PPP2R2B: variants seen among roughly 807,000 people sequenced by gnomAD.
PPP2R2B encodes the protein serine/threonine-protein phosphatase 2A 55 kDa regulatory subunit B beta isoform.
PPP2R2B carries 5 observed loss-of-function variants against 46.0 expected under a neutral mutation model. That is an observed-to-expected ratio of 0.11 (90% CI 0.06 to 0.23). The LOEUF (loss-of-function observed/expected upper bound fraction) is 0.23. PPP2R2B is among the 10% of genes least tolerant of loss of function. The pLI, the probability that PPP2R2B is intolerant of heterozygous loss-of-function variation, is 1.00. For synonymous variants in PPP2R2B, 215 were observed against 206.7 expected, an observed-to-expected ratio of 1.04 and a Z score of -0.34; for missense variants, 367 against 575.0, an observed-to-expected ratio of 0.64 and a Z score of 3.70.
chr5:147,045,404 C>A (rs1316271631), intron 1 of PPP2R2B, among the ~76,000 whole-genome samples: 1 of 152,100 alleles, frequency 6.6e-6, no homozygotes, highest in African/African-American at 2.4e-5. Flanking sequence ...ACATGCTGTA[C>A]AGGTTTGTAG....
intron 2 of PPP2R2B, among the ~76,000 whole-genome samples, chr5:146,748,096 C>G (rs1304376818): frequency 1.3e-5 from 2 of 152,174 alleles, no homozygotes; most frequent in African/African-American, 4.8e-5. Context: ...ACTGCATGAC[C>G]TCATTTAATC....
chr5:147,051,684 T>A (rs568290571), intron 1 of PPP2R2B, among the ~76,000 whole-genome samples: 1 of 151,558 alleles, frequency 6.6e-6, no homozygotes, highest in South Asian at 2.1e-4. Context: ...GGTGCCAAAT[T>A]AGGTCCACCA....
chr5:146,899,941 A>G (rs1762770530), intron 1 of PPP2R2B, among the ~76,000 whole-genome samples: 1 of 152,172 alleles, frequency 6.6e-6, no homozygotes, highest in Non-Finnish European at 1.5e-5. Context: ...CACAGGCCAT[A>G]TCTATGTTAG....
chr5:147,054,698 T>C (rs1198470517), intron 1 of PPP2R2B: 1 of 456,216 alleles, frequency 2.2e-6, no homozygotes, highest in East Asian at 6.9e-5. Flanking sequence ...CAGAACAGGC[T>C]GGTCGCCAGC....
chr5:146,630,989 C>G (rs972401800), intron 7 of PPP2R2B, among the ~76,000 whole-genome samples: 2 of 152,198 alleles, frequency 1.3e-5, no homozygotes, highest in African/African-American at 4.8e-5. Context: ...AGTGGCTGCT[C>G]AACTATGTTG....
intron 2 of PPP2R2B, among the ~76,000 whole-genome samples, chr5:146,794,850 C>T (rs1052264435): frequency 6.6e-6 from 1 of 152,088 alleles, no homozygotes; most frequent in Non-Finnish European, 1.5e-5. Context: ...TTTTCCAGAA[C>T]CACTGACTCA....
At chr5:146,626,934 C>T (rs1313709298) in intron 7 of PPP2R2B, among the ~76,000 whole-genome samples, 1 of 152,170 alleles carries the variant, frequency 6.6e-6, no homozygotes, top group Admixed American at 6.5e-5. Flanking sequence ...ATTGACAGAA[C>T]TGGTTAAATT....
rs1361855454 is a variant in PPP2R2B, at chr5:146,582,750, CT to C, written c.*7196del. On this transcript the variant is annotated 3_prime_UTR_variant, in exon 10 of 10. Transcript: ENST00000394411. Reference sequence around the variant, plus strand: ...TGTGCTCTGGGGATACAGGAGTGGCCTAAACAATGATGCAGTCCTCATGGAA... The same window carrying C: ...TGTGCTCTGGGGATACAGGAGTGGCCAAACAATGATGCAGTCCTCATGGAA... 6.6e-6 allele frequency: 1 copy of C among 152,156 alleles called. No individual in the cohort carries two copies. The highest frequency in any genetic ancestry group is 1.5e-5 in the Non-Finnish European group (1 of 68,040). The allele number at this position is 152,156 out of a possible 1,614,324, so 9.4% of individuals were successfully genotyped here.
At chr5:146,901,492 C>A (rs188827566) in intron 1 of PPP2R2B, among the ~76,000 whole-genome samples, 151 of 152,116 alleles carry the variant, frequency 9.9e-4, no homozygotes, top group Non-Finnish European at 1.8e-3. Flanking sequence ...CAGAGTGAGA[C>A]CCTGCCTCAA....
chr5:146,735,845 G>T (rs566960421), intron 2 of PPP2R2B, among the ~76,000 whole-genome samples: 1 of 152,276 alleles, frequency 6.6e-6, no homozygotes, highest in African/African-American at 2.4e-5. Flanking sequence ...TCTATTGCTT[G>T]ATTTGATGAT....
At chr5:146,837,437 T>G (rs1321934533) in intron 2 of PPP2R2B, among the ~76,000 whole-genome samples, 3 of 152,190 alleles carry the variant, frequency 2.0e-5, no homozygotes, top group Non-Finnish European at 4.4e-5. Flanking sequence ...GAAGAGCATC[T>G]GTATAGTATG....
intron 2 of PPP2R2B, among the ~76,000 whole-genome samples, chr5:146,771,508 T>C (rs1344439839): frequency 1.3e-5 from 2 of 152,088 alleles, no homozygotes; most frequent in Non-Finnish European, 2.9e-5. Flanking sequence ...TTGAGAAGGG[T>C]ACATGTGATT....
chr5:146,692,566 C>T (rs1386945037), intron 4 of PPP2R2B, among the ~76,000 whole-genome samples: 1 of 140,594 alleles, frequency 7.1e-6, no homozygotes, highest in East Asian at 2.1e-4. Flanking sequence ...CAGAGTCTCG[C>T]ATTTTCACCC....
intron 7 of PPP2R2B, 38 bp downstream of exon 7, chr5:146,638,213 G>A (rs900367621): frequency 6.3e-7 from 1 of 1,593,684 alleles, no homozygotes; most frequent in East Asian, 2.3e-5. Context: ...ATTGGGGCCA[G>A]TGGCCATGCC....
At chr5:146,931,243 G>A (rs1763960732) in intron 1 of PPP2R2B, among the ~76,000 whole-genome samples, 3 of 152,064 alleles carry the variant, frequency 2.0e-5, no homozygotes, top group Admixed American at 2.0e-4. Flanking sequence ...GGTTTAAGAT[G>A]TTTCCCATCT....
intron 2 of PPP2R2B, among the ~76,000 whole-genome samples, chr5:146,738,188 A>G (rs1329127879): frequency 1.3e-5 from 2 of 151,846 alleles, no homozygotes; most frequent in Non-Finnish European, 2.9e-5. Context: ...CGAGGTCAGG[A>G]GATCGAGACC....
chr5:147,035,142 T>C, intron 1 of PPP2R2B: 1 of 455,462 alleles, frequency 2.2e-6, no homozygotes, highest in Non-Finnish European at 4.4e-6. Flanking sequence ...ACTGGGTAAA[T>C]TATAAAGAAA....
chr5:146,662,674 T>C (rs761069647), intron 5 of PPP2R2B, among the ~76,000 whole-genome samples: 2 of 152,226 alleles, frequency 1.3e-5, no homozygotes, highest in Admixed American at 6.5e-5. Context: ...ACTAAGACTA[T>C]GGGTTTAAAA....
At chr5:147,045,997 T>C (rs2151899568) in intron 1 of PPP2R2B, among the ~76,000 whole-genome samples, 1 of 152,310 alleles carries the variant, frequency 6.6e-6, no homozygotes, top group South Asian at 2.1e-4. Flanking sequence ...AAAGCCTCGT[T>C]AGATCTTGTC....
Sources: allele counts gnomAD v4.1 joint callset (sites outside exome capture counted in the v4.1 genomes callset), GRCh38; gene constraint gnomAD v4.1.1; transcripts MANE v1.5; gene names NCBI Gene and HGNC (gene_info 2026-07-23, HGNC 2026-07-21).